Variants in CTNNA2 observed in about 807,000 individuals in gnomAD.
CTNNA2 encodes catenin alpha 2.
Under a neutral mutation model 101.0 loss-of-function variants are expected in CTNNA2, and 42 were observed. The ratio of observed to expected loss-of-function variants is 0.42; its 90% CI spans 0.32 to 0.54. CTNNA2 has a LOEUF of 0.54. Among genes scored for constraint, CTNNA2 ranks in the 20% least tolerant of loss-of-function variants. CTNNA2 has a pLI of 0.14. For missense variants in CTNNA2, 871 were observed against 1,223.1 expected (o/e 0.71, Z 4.29); for synonymous variants, 450 against 456.4 (o/e 0.99, Z 0.18).
intron 2 of CTNNA2, among the ~76,000 whole-genome samples, chr2:79,666,472 T>C (rs1297265371): frequency 6.6e-6 from 1 of 152,224 alleles, no homozygotes; most frequent in Non-Finnish European, 1.5e-5. Context: ...TTTTTGTCTT[T>C]GTTCTATTCA....
Position 79,805,113 on chromosome 2 carries a change from G to T in CTNNA2, c.299-52900G>T, listed in dbSNP as rs537385521. On this transcript the variant is annotated intron_variant, in intron 3 of 18. Transcript: ENST00000402739. ...AAGCTGGAAGGATAAGTTGTAGCTA[G>T]GAAAAGGCCTGTTCTTTTTGACGAT... is the stretch of plus-strand genomic sequence containing the variant. Among the ~76,000 whole-genome samples the T allele has an allele frequency of 2.0e-5, 3 of 152,262 alleles. No homozygotes were observed. In the South Asian group the frequency reaches 6.2e-4, roughly 32 times the overall value.
chr2:79,962,487 T>A (rs899952145), intron 7 of CTNNA2, among the ~76,000 whole-genome samples: 1 of 152,236 alleles, frequency 6.6e-6, no homozygotes, highest in African/African-American at 2.4e-5. Flanking sequence ...TATCATCTTT[T>A]ATTTTTTGGA....
intron 2 of CTNNA2, among the ~76,000 whole-genome samples, chr2:79,254,828 T>C (rs1674820795): frequency 6.6e-6 from 1 of 152,210 alleles, no homozygotes; most frequent in Non-Finnish European, 1.5e-5. Context: ...TTAAATAAGA[T>C]ATCCTACCTT....
At chr2:80,177,753 A>G (rs926810652) in intron 7 of CTNNA2, among the ~76,000 whole-genome samples, 1 of 152,216 alleles carries the variant, frequency 6.6e-6, no homozygotes, top group African/African-American at 2.4e-5. Flanking sequence ...AGGTCCATCT[A>G]TATACCTCTT....
chr2:79,452,521 G>C (rs1486719821), intron 4 of CTNNA2, among the ~76,000 whole-genome samples: 1 of 151,762 alleles, frequency 6.6e-6, no homozygotes, highest in South Asian at 2.1e-4. Context: ...AGTTAAGAGA[G>C]ATTTTTTCTC....
chr2:80,560,052 A>G (rs2149671207), intron 12 of CTNNA2, among the ~76,000 whole-genome samples: 1 of 41,832 alleles, frequency 2.4e-5, no homozygotes, highest in Non-Finnish European at 4.8e-5. Flanking sequence ...GAAACAATAG[A>G]CCAAAAAAAA....
At chr2:79,372,163 C>T (rs1677886683) in intron 3 of CTNNA2, among the ~76,000 whole-genome samples, 1 of 152,046 alleles carries the variant, frequency 6.6e-6, no homozygotes, top group Non-Finnish European at 1.5e-5. Flanking sequence ...TCTGGGATTC[C>T]TGATTTCCTG....
chr2:80,153,895 T>A (rs1390739521), intron 7 of CTNNA2, among the ~76,000 whole-genome samples: 1 of 152,150 alleles, frequency 6.6e-6, no homozygotes, highest in Non-Finnish European at 1.5e-5. Context: ...GTGAATATAG[T>A]GTAATAAGAA....
intron 9 of CTNNA2, among the ~76,000 whole-genome samples, chr2:80,539,511 A>C (rs576021278): frequency 6.6e-6 from 1 of 151,954 alleles, no homozygotes; most frequent in South Asian, 2.1e-4. Flanking sequence ...TTACCTCTCC[A>C]TGATATGTTT....
At chr2:80,547,591 G>A (rs574619308) in intron 11 of CTNNA2, among the ~76,000 whole-genome samples, 47 of 151,754 alleles carry the variant, frequency 3.1e-4, no homozygotes, top group African/African-American at 1.0e-3. Context: ...TTATTCCCAA[G>A]GTCTTTGTTT....
chr2:80,290,628 A>C (rs1446110), intron 7 of CTNNA2, among the ~76,000 whole-genome samples: 43,075 of 151,710 alleles, frequency 0.28, 6,950 homozygotes, highest in East Asian at 0.38. Context: ...CCCCTCCCTG[A>C]AATCTTAATA....
intron 2 of CTNNA2, among the ~76,000 whole-genome samples, chr2:79,669,468 A>C (rs541049724): frequency 1.3e-5 from 2 of 152,280 alleles, no homozygotes; most frequent in Admixed American, 1.3e-4. Flanking sequence ...ATACAGGAAG[A>C]ATGAGGTGCG....
At chr2:80,201,288 A>AG (rs891500071) in intron 7 of CTNNA2, among the ~76,000 whole-genome samples, 1 of 152,002 alleles carries the variant, frequency 6.6e-6, no homozygotes, top group Non-Finnish European at 1.5e-5. Context: ...TTCCCAAAGA[A>AG]GAAAAATGAG....
At chr2:79,420,324 T>C (rs17761670) in intron 4 of CTNNA2, among the ~76,000 whole-genome samples, 43,018 of 152,094 alleles carry the variant, frequency 0.28, 6,426 homozygotes, top group Middle Eastern at 0.37. Flanking sequence ...TGGCTAGACC[T>C]GAGATCGGTT....
intron 2 of CTNNA2, among the ~76,000 whole-genome samples, chr2:79,212,787 G>A (rs529883875): frequency 1.1e-3 from 166 of 152,258 alleles, no homozygotes; most frequent in African/African-American, 3.3e-3. Context: ...TTTCTGACTC[G>A]GGGCATGTGA....
intron 7 of CTNNA2, among the ~76,000 whole-genome samples, chr2:80,103,380 G>A (rs145168738): frequency 7.8e-4 from 118 of 152,190 alleles, no homozygotes; most frequent in African/African-American, 2.6e-3. Context: ...AGAAGGACAC[G>A]AGTCCTACTA....
rs527537697 is a variant in CTNNA2 at position 80,447,407 on chromosome 2, G to A, written c.1290+27806G>A. Among the ~76,000 whole-genome samples the A allele has an allele frequency of 3.7e-4, 56 of 152,224 alleles. No homozygotes were observed. The Middle Eastern group carries it at 0.014, about 37-fold the overall frequency. On this transcript the variant is annotated intron_variant, in intron 9 of 18. Coordinates refer to ENST00000402739, the MANE Select transcript of CTNNA2 (RefSeq NM_001282597.3). ...CTGGCCACTTTCCAAAAGATCTGGC[G>A]TCTTATGGAAGTCTAGAAGCAAGCT...
chr2:79,598,232 T>C (rs1677324790), intron 1 of CTNNA2, among the ~76,000 whole-genome samples: 1 of 152,264 alleles, frequency 6.6e-6, no homozygotes, highest in South Asian at 2.1e-4. Context: ...CTTGGTTACA[T>C]CCAAGCTTTG....
At chr2:79,554,891 CA>C (rs2104084011) in intron 1 of CTNNA2, among the ~76,000 whole-genome samples, 1 of 152,202 alleles carries the variant, frequency 6.6e-6, no homozygotes, top group Admixed American at 6.5e-5. Context: ...ATAGAAAATC[CA>C]AACAGAGCAA....
Sources: allele counts gnomAD v4.1 joint callset (sites outside exome capture counted in the v4.1 genomes callset), GRCh38; gene constraint gnomAD v4.1.1; transcripts MANE v1.5; gene names NCBI Gene and HGNC (gene_info 2026-07-23, HGNC 2026-07-21).